The following NPAS3 variants were observed in gnomAD, a reference collection of about 807,000 sequenced individuals.
The protein encoded by NPAS3 is neuronal PAS domain-containing protein 3.
A neutral mutation model predicts 73.1 loss-of-function variants in NPAS3; 14 were observed. The ratio of observed to expected loss-of-function variants is 0.19; its 90% confidence interval spans 0.13 to 0.30. NPAS3 has a LOEUF of 0.30. Ranked by LOEUF, NPAS3 falls within the 10% of genes least tolerant of loss-of-function variation. The pLI is 1.00. For missense variants in NPAS3, 1,096 were observed against 1,250.0 expected, an observed-to-expected ratio of 0.88 and a Z score of 1.86; for synonymous variants, 620 against 541.5, an observed-to-expected ratio of 1.14 and a Z score of -2.01.
intron 1 of NPAS3, among the ~76,000 whole-genome samples, chr14:32,941,124 A>G (rs986847964): frequency 1.3e-5 from 2 of 152,098 alleles, no homozygotes; most frequent in African/African-American, 4.8e-5. Context: ...AGGATTTTAA[A>G]AATTATTTTT....
intron 4 of NPAS3, among the ~76,000 whole-genome samples, chr14:33,424,376 G>A (rs2048470817): frequency 6.6e-6 from 1 of 151,968 alleles, no homozygotes; most frequent in Admixed American, 6.6e-5. Context: ...GGTTCAGACT[G>A]CAGACCAAGA....
intron 4 of NPAS3, among the ~76,000 whole-genome samples, chr14:33,450,572 G>T (rs181425698): frequency 6.6e-6 from 1 of 151,892 alleles, no homozygotes; most frequent in Non-Finnish European, 1.5e-5. Flanking sequence ...TAAATTTCTG[G>T]CACTTTATTT....
At chr14:33,575,438 G>C (rs947656273) in intron 5 of NPAS3, among the ~76,000 whole-genome samples, 6 of 152,158 alleles carry the variant, frequency 3.9e-5, no homozygotes, top group African/African-American at 1.4e-4. Context: ...CCCATATGAA[G>C]TAGTTTTGCC....
intron 9 of NPAS3, among the ~76,000 whole-genome samples, chr14:33,787,485 T>C (rs1347953686): frequency 6.6e-6 from 1 of 151,910 alleles, no homozygotes; most frequent in African/African-American, 2.4e-5. Flanking sequence ...AATCCATCGA[T>C]GATGCATACT....
chr14:33,652,013 ATTTG>A (rs1258901120), intron 5 of NPAS3, among the ~76,000 whole-genome samples: 3 of 152,254 alleles, frequency 2.0e-5, no homozygotes, highest in Admixed American at 6.5e-5. Flanking sequence ...TTTCATTTTG[ATTTG>A]TTTATTAATC....
At chr14:33,250,540 G>A (rs151117999) in intron 3 of NPAS3, among the ~76,000 whole-genome samples, 47 of 152,114 alleles carry the variant, frequency 3.1e-4, no homozygotes, top group East Asian at 1.5e-3. Flanking sequence ...ACTGATGCTC[G>A]CATTAAACTT....
At chr14:33,305,548 A>G (rs2042720804) in intron 3 of NPAS3, among the ~76,000 whole-genome samples, 1 of 152,168 alleles carries the variant, frequency 6.6e-6, no homozygotes, top group Non-Finnish European at 1.5e-5. Context: ...TCTGATTTTT[A>G]AAACAAATCA....
intron 6 of NPAS3, among the ~76,000 whole-genome samples, chr14:33,727,015 C>A (rs752207775): frequency 6.6e-6 from 1 of 152,122 alleles, no homozygotes; most frequent in African/African-American, 2.4e-5. Context: ...AGTAATAGAG[C>A]TTTAAAGCAA....
intron 2 of NPAS3, among the ~76,000 whole-genome samples, chr14:33,186,240 TA>T (rs1159961426): frequency 6.6e-6 from 1 of 152,244 alleles, no homozygotes; most frequent in Non-Finnish European, 1.5e-5. Flanking sequence ...GCAGTATAAG[TA>T]CACTCTGGTT....
At chr14:33,071,839 G>A (rs1193839230) in intron 2 of NPAS3, among the ~76,000 whole-genome samples, 1 of 152,148 alleles carries the variant, frequency 6.6e-6, no homozygotes, top group African/African-American at 2.4e-5. Flanking sequence ...AGTTAGAGCT[G>A]TAAATGACAT....
At chr14:32,956,802 A>G (rs909860860) in intron 1 of NPAS3, among the ~76,000 whole-genome samples, 3 of 152,218 alleles carry the variant, frequency 2.0e-5, no homozygotes, top group South Asian at 2.1e-4. Flanking sequence ...CACTTTTGAT[A>G]TGTTTATGTA....
chr14:33,781,758 C>T (rs74044714), intron 9 of NPAS3, among the ~76,000 whole-genome samples: 2,069 of 152,212 alleles, frequency 0.014, 42 homozygotes, highest in African/African-American at 0.046. Flanking sequence ...TTTGATAAAG[C>T]GTTTTTTTAA....
chr14:33,731,116 A>C (rs2140619247), intron 6 of NPAS3, among the ~76,000 whole-genome samples: 1 of 152,230 alleles, frequency 6.6e-6, no homozygotes, highest in South Asian at 2.1e-4. Flanking sequence ...CAGTGAAAAC[A>C]CTTCAAGTAT....
At chr14:33,441,021 C>T (rs530013280) in intron 4 of NPAS3, among the ~76,000 whole-genome samples, 1 of 152,292 alleles carries the variant, frequency 6.6e-6, no homozygotes, top group Non-Finnish European at 1.5e-5. Flanking sequence ...CATAAAACCC[C>T]ACTGTCCTTA....
At chr14:33,237,003 A>T (rs1332941334) in intron 3 of NPAS3, among the ~76,000 whole-genome samples, 1 of 152,130 alleles carries the variant, frequency 6.6e-6, no homozygotes, top group African/African-American at 2.4e-5. Flanking sequence ...ATTATCTAAA[A>T]AATGAGATTT....
chr14:33,090,065 C>T lies in NPAS3; in HGVS notation c.140+34071C>T, dbSNP rs954203816. On this transcript the variant is annotated intron_variant, in intron 2 of 11. Transcript: ENST00000356141. ...AAACATGTCAAAATGTAAAGACCAT[C>T]GATGCTAGGAAGAAACTGCATCAAC... Among the ~76,000 whole-genome samples, 10 of 152,252 alleles carry T rather than the reference C, an allele frequency of 6.6e-5. No homozygotes were observed. In the East Asian group the frequency reaches 1.5e-3, roughly 23 times the overall value.
intron 2 of NPAS3, among the ~76,000 whole-genome samples, chr14:33,188,959 T>G (rs1566655674): frequency 6.6e-6 from 1 of 152,204 alleles, no homozygotes; most frequent in Non-Finnish European, 1.5e-5. Context: ...TGAGACAGAT[T>G]GTTCCTCAAT....
At chr14:33,619,270 T>A (rs556937573) in intron 5 of NPAS3, among the ~76,000 whole-genome samples, 3 of 152,174 alleles carry the variant, frequency 2.0e-5, no homozygotes, top group Admixed American at 1.3e-4. Flanking sequence ...CCTATGAAAT[T>A]TACTGTGAAA....
At chr14:33,792,118 AT>A (rs2063375673) in intron 9 of NPAS3, among the ~76,000 whole-genome samples, 1 of 152,170 alleles carries the variant, frequency 6.6e-6, no homozygotes, top group Non-Finnish European at 1.5e-5. Context: ...CAGAGTTAGT[AT>A]TTTACTGCTT....
Sources: gnomAD v4.1 joint callset for allele counts (sites outside exome capture counted in the v4.1 genomes callset) on GRCh38, gnomAD v4.1.1 for gene constraint, MANE v1.5 for transcripts, NCBI Gene and HGNC (gene_info 2026-07-23, HGNC 2026-07-21) for gene names.